The following ITGB3 variants were observed in gnomAD, a reference collection of about 807,000 sequenced individuals.
The protein encoded by ITGB3 is integrin beta-3.
In ITGB3, 48 loss-of-function variants were observed where a neutral mutation model predicts 85.8. The observed-to-expected ratio is 0.56, with a 90% CI of 0.44 to 0.71. The LOEUF (loss-of-function observed/expected upper bound fraction) is 0.71, where lower values mean the gene tolerates loss of function less well. Ranked by LOEUF, ITGB3 falls within the 30% of genes least tolerant of loss-of-function variation. The pLI, the probability that ITGB3 is intolerant of heterozygous loss-of-function variation, is 0.00. For missense variants in ITGB3, 861 were observed against 1,019.1 expected (o/e 0.84, Z 2.11); for synonymous variants, 363 against 395.6 (o/e 0.92, Z 0.98).
intron 1 of ITGB3, among the ~76,000 whole-genome samples, chr17:47,271,885 C>G (rs1473717500): frequency 6.6e-6 from 1 of 151,918 alleles, no homozygotes; most frequent in African/African-American, 2.4e-5. Flanking sequence ...TCCCAAGTAG[C>G]TGGGATCACA....
chr17:47,274,746 T>C (rs1250791971), intron 2 of ITGB3, among the ~76,000 whole-genome samples: 1 of 152,228 alleles, frequency 6.6e-6, no homozygotes, highest in African/African-American at 2.4e-5. Context: ...CGACCTCCTG[T>C]CCTCTCTGTA....
rs753101355 is a variant in ITGB3, at chr17:47,286,473, G to A, written c.777+51G>A. On this transcript the variant is annotated intron_variant, in intron 5 of 14. Transcript: ENST00000559488. The stretch of plus-strand genomic sequence containing the variant: ...AGGTGTGGCTGGCATAGATCAAAAT[G>A]GGAAAGGAAGTGACTGAACTCTGGG... 6 of 1,605,778 alleles carry A rather than the reference G, an allele frequency of 3.7e-6. No homozygotes were observed. The South Asian group carries it at 5.5e-5, about 15-fold the overall frequency.
At chr17:47,305,957 T>C (rs764041339) in intron 13 of ITGB3, among the ~76,000 whole-genome samples, 13 of 152,224 alleles carry the variant, frequency 8.5e-5, no homozygotes, top group Non-Finnish European at 1.9e-4. Flanking sequence ...TCTTTTAAAG[T>C]CAGTGCTATT....
chr17:47,268,703 A>T (rs767604720), intron 1 of ITGB3, among the ~76,000 whole-genome samples: 7 of 152,186 alleles, frequency 4.6e-5, no homozygotes, highest in African/African-American at 1.7e-4. Flanking sequence ...ATGGGCTGGC[A>T]TTGAATGTCT....
At chr17:47,300,382 G>A in intron 11 of ITGB3, 96 bp from the exon 12 acceptor site, 1 of 820,970 alleles carries the variant, frequency 1.2e-6, no homozygotes, top group South Asian at 1.4e-5. Context: ...AATGGAGGTG[G>A]AGCAGCTTTC....
chr17:47,253,962 C>T (rs897248859), intron 1 of ITGB3, 22 bp downstream of exon 1: 1 of 1,374,672 alleles, frequency 7.3e-7, no homozygotes, highest in Non-Finnish European at 9.5e-7. Context: ...TCCGGCTCGG[C>T]AGCGTCGCAG....
At chr17:47,262,239 A>G (rs905359394) in intron 1 of ITGB3, among the ~76,000 whole-genome samples, 2 of 152,244 alleles carry the variant, frequency 1.3e-5, no homozygotes, top group East Asian at 1.9e-4. Context: ...GTCCACACCC[A>G]TAACACATGA....
At chr17:47,275,259 T>C (rs553507052) in intron 2 of ITGB3, among the ~76,000 whole-genome samples, 1 of 152,000 alleles carries the variant, frequency 6.6e-6, no homozygotes, top group Non-Finnish European at 1.5e-5. Context: ...TTGGTGAGGA[T>C]GGAAGGGGGA....
At chr17:47,274,637 T>C in intron 2 of ITGB3, 133 bp downstream of exon 2, 1 of 777,800 alleles carries the variant, frequency 1.3e-6, no homozygotes, top group South Asian at 1.4e-5. Context: ...CTTTGATGAA[T>C]TTTTCCCATT....
intron 2 of ITGB3, chr17:47,280,131 C>T (rs953519161): frequency 6.6e-6 from 1 of 152,292 alleles, no homozygotes; most frequent in Non-Finnish European, 1.5e-5. Context: ...ATCGCCGAGG[C>T]TGGTTCCCTG....
chr17:47,298,906 G>A (rs574308627), intron 10 of ITGB3, among the ~76,000 whole-genome samples: 1 of 152,318 alleles, frequency 6.6e-6, no homozygotes, highest in Admixed American at 6.5e-5. Flanking sequence ...CTGTGGCTTT[G>A]TGCTGTGTCA....
intron 3 of ITGB3, 35 bp from the exon 4 acceptor site, chr17:47,284,405 GAGA>G (rs2065095053): frequency 1.2e-6 from 2 of 1,613,266 alleles, no homozygotes; most frequent in Non-Finnish European, 1.7e-6. Context: ...ATCTTGGTGG[GAGA>G]AGAAGATAAA....
intron 14 of ITGB3, among the ~76,000 whole-genome samples, chr17:47,307,992 C>T (rs2065195781): frequency 6.6e-6 from 1 of 151,746 alleles, no homozygotes; most frequent in African/African-American, 2.4e-5. Context: ...ATGGTGAAAC[C>T]CCGTCTCTAT....
chr17:47,281,730 A>G (rs747464398), intron 2 of ITGB3, among the ~76,000 whole-genome samples: 21 of 151,936 alleles, frequency 1.4e-4, no homozygotes, highest in Non-Finnish European at 2.4e-4. Context: ...GAGTTTATTC[A>G]TAATTAGCTT....
In ITGB3 at chr17:47,310,462, T is replaced by G; in HGVS notation, c.*258T>G. On this transcript the variant is annotated 3_prime_UTR_variant, in exon 15 of 15. Transcript: ENST00000559488. The stretch of plus-strand genomic sequence containing the variant: ...CCTGATAAGCTGAGCTCCTTAGCCT[T>G]TGTCCCAGAATGCCTCCTGCAGGGA... 2 of 559,030 alleles carry G rather than the reference T, an allele frequency of 3.6e-6. No homozygotes were observed. Among genetic ancestry groups the G allele is most frequent in the African/African-American group, 3.7e-5 (2 of 53,684 alleles). The allele number at this position is 559,030 out of a possible 1,614,324, so 34.6% of individuals were successfully genotyped here. A position where few individuals can be genotyped will look rare whatever the true frequency, so the allele number is the denominator to read the frequency against.
At chr17:47,287,044 C>T in intron 5 of ITGB3, 26 bp from the exon 6 acceptor site, 1 of 1,612,480 alleles carries the variant, frequency 6.2e-7, no homozygotes, top group Non-Finnish European at 8.5e-7. Flanking sequence ...TCTCCTCTGC[C>T]TTTGTTTTTT....
chr17:47,264,317 C>A (rs955759401), intron 1 of ITGB3, among the ~76,000 whole-genome samples: 1 of 152,184 alleles, frequency 6.6e-6, no homozygotes, highest in Non-Finnish European at 1.5e-5. Context: ...TTCAGGTTCA[C>A]ATTTGTTCAC....
chr17:47,258,510 T>C (rs1858109140), intron 1 of ITGB3, among the ~76,000 whole-genome samples: 1 of 152,234 alleles, frequency 6.6e-6, no homozygotes, highest in Admixed American at 6.5e-5. Flanking sequence ...CATACAGTTC[T>C]ATGAATTTTG....
intron 1 of ITGB3, among the ~76,000 whole-genome samples, chr17:47,266,997 G>A (rs534805465): frequency 2.0e-5 from 3 of 152,200 alleles, no homozygotes; most frequent in Admixed American, 6.5e-5. Context: ...CATACTTAAC[G>A]TCATGTCTAG....
Sources: allele counts gnomAD v4.1 joint callset (sites outside exome capture counted in the v4.1 genomes callset), GRCh38; gene constraint gnomAD v4.1.1; transcripts MANE v1.5; gene names NCBI Gene and HGNC (gene_info 2026-07-23, HGNC 2026-07-21).